The following WDPCP variants were observed in gnomAD, a reference collection of about 807,000 sequenced individuals.
WDPCP encodes the protein WD repeat-containing and planar cell polarity effector protein fritz homolog.
A neutral mutation model predicts 93.1 loss-of-function variants in WDPCP; 71 were observed. The ratio of observed to expected loss-of-function variants is 0.76; its 90% CI spans 0.63 to 0.93. The LOEUF (loss-of-function observed/expected upper bound fraction) is 0.93. Among genes scored for constraint, WDPCP ranks in the 40% least tolerant of loss-of-function variants. The probability of loss-of-function intolerance (pLI) is 0.00; values close to 1 mark genes in which losing one functional copy is unlikely to be tolerated. For missense variants in WDPCP, 844 were observed against 887.4 expected (o/e 0.95, Z 0.62); for synonymous variants, 315 against 315.0 (o/e 1.00, Z 0.00).
intron 2 of WDPCP, among the ~76,000 whole-genome samples, chr2:63,725,089 T>C (rs932510152): frequency 1.3e-5 from 2 of 152,174 alleles, no homozygotes; most frequent in Admixed American, 6.5e-5. Context: ...ACGTGCAGGT[T>C]TGTTACCTGG....
Position 63,741,796 on chromosome 2 carries a change from T to C in WDPCP, n.308+71826A>G, listed in dbSNP as rs74262085. On this transcript the variant is annotated intron_variant and non_coding_transcript_variant, in intron 2 of 4. Coordinates refer to the WDPCP transcript ENST00000467687. Reference sequence around the variant, plus strand: ...CCCCTCTTACCACTCAGAAAATGACTGTTGCTAACTTTAGGTGAATATTAT... The same window carrying C: ...CCCCTCTTACCACTCAGAAAATGACCGTTGCTAACTTTAGGTGAATATTAT... Among the ~76,000 whole-genome samples the C allele has an allele frequency of 3.5e-4, 54 of 152,242 alleles. 1 individual carries two copies. In the East Asian group the frequency reaches 7.9e-3, roughly 22 times the overall value.
At position 63,162,533 on chromosome 2, in the gene WDPCP, A is replaced by G. The variant is rs547666860; in HGVS notation, c.2079-8959T>C. 9.2e-5 allele frequency among the ~76,000 whole-genome samples: 14 copies of G among 152,296 alleles called. 2 individuals are homozygous for G. In the South Asian group the frequency reaches 2.7e-3, roughly 29 times the overall value. ...GAAAATACTGATAAACTAATATTTC[A>G]TAGGTGGGGATAAATGCTAGTCTTC... On this transcript the variant is annotated intron_variant, in intron 15 of 17. Coordinates refer to ENST00000272321, the MANE Select transcript of WDPCP (RefSeq NM_015910.7).
chr2:63,588,584 C>G, upstream of WDPCP: 1 of 536,844 alleles, frequency 1.9e-6, no homozygotes, highest in Non-Finnish European at 3.4e-6. Flanking sequence ...CGTTTACCCT[C>G]ATGGGAGGAT....
At chr2:63,738,401 G>A (rs1462326168) in intron 2 of WDPCP, among the ~76,000 whole-genome samples, 1 of 105,914 alleles carries the variant, frequency 9.4e-6, no homozygotes, top group East Asian at 2.0e-4. Context: ...ATTGACATTT[G>A]CTTGTTCAGG....
chr2:63,485,462 T>C (rs1700518665), intron 4 of WDPCP, among the ~76,000 whole-genome samples: 1 of 151,730 alleles, frequency 6.6e-6, no homozygotes, highest in South Asian at 2.1e-4. Flanking sequence ...ATATATGAAG[T>C]TAAGCATTAA....
At chr2:63,147,382 A>C (rs1461239584) in intron 17 of WDPCP, among the ~76,000 whole-genome samples, 2 of 152,182 alleles carry the variant, frequency 1.3e-5, no homozygotes, top group East Asian at 3.8e-4. Flanking sequence ...AGTTTCTAGA[A>C]ATATTTAGGA....
intron 2 of WDPCP, among the ~76,000 whole-genome samples, chr2:63,801,714 G>C (rs1670698471): frequency 6.6e-6 from 1 of 152,124 alleles, no homozygotes; most frequent in African/African-American, 2.4e-5. Context: ...AGACAGGAAA[G>C]TTCCTGATTG....
chr2:63,471,877 G>A (rs577681681), intron 6 of WDPCP, among the ~76,000 whole-genome samples: 1 of 152,150 alleles, frequency 6.6e-6, no homozygotes, highest in African/African-American at 2.4e-5. Context: ...GTTCTTGGCA[G>A]GTAAATTTTT....
In WDPCP at chr2:63,686,367, C is replaced by A. The variant is rs889673682; in HGVS notation, n.309-35529G>T. 4.6e-5 allele frequency among the ~76,000 whole-genome samples: 7 copies of A among 152,046 alleles called. No homozygotes were observed. In the South Asian group the frequency reaches 1.5e-3, roughly 32 times the overall value. On this transcript the variant is annotated intron_variant and non_coding_transcript_variant, in intron 2 of 4. Transcript: ENST00000467687. Reference sequence around the variant, plus strand: ...ATGATAGCTACAAATAAAATACCTACAAATTTACTTAACCAAAAAAGGGAA... The same window carrying A: ...ATGATAGCTACAAATAAAATACCTAAAAATTTACTTAACCAAAAAAGGGAA...
intron 2 of WDPCP, chr2:63,752,481 G>A (rs1175869896): frequency 3.6e-5 from 28 of 775,650 alleles, no homozygotes; most frequent in Middle Eastern, 3.6e-4. Context: ...CCCCTGGAGC[G>A]CTTGGTGTTG....
At chr2:63,728,997 T>C (rs1236548173) in intron 2 of WDPCP, among the ~76,000 whole-genome samples, 1 of 152,220 alleles carries the variant, frequency 6.6e-6, no homozygotes, top group African/African-American at 2.4e-5. Context: ...TTAATGGCTT[T>C]TGACCAAGAG....
chr2:63,788,603 G>A (rs1670502046), intron 2 of WDPCP, among the ~76,000 whole-genome samples: 1 of 152,018 alleles, frequency 6.6e-6, no homozygotes, highest in South Asian at 2.1e-4. Flanking sequence ...TAATCAACAT[G>A]AATATTATCT....
intron 12 of WDPCP, among the ~76,000 whole-genome samples, chr2:63,327,069 C>G (rs1687613085): frequency 6.6e-6 from 1 of 151,752 alleles, no homozygotes; most frequent in Non-Finnish European, 1.5e-5. Flanking sequence ...AATTACCATA[C>G]AAAGTTCTGA....
intron 9 of WDPCP, among the ~76,000 whole-genome samples, chr2:63,418,596 GTC>G (rs1188848172): frequency 6.6e-6 from 1 of 152,112 alleles, no homozygotes; most frequent in Admixed American, 6.6e-5. Flanking sequence ...TAACTAAAGA[GTC>G]TTAAAATACA....
chr2:63,154,258 A>G (rs993975070), intron 15 of WDPCP, among the ~76,000 whole-genome samples: 6 of 152,064 alleles, frequency 3.9e-5, no homozygotes, highest in African/African-American at 1.4e-4. Flanking sequence ...CAAACAGAAT[A>G]TAGAACAGTT....
intron 12 of WDPCP, among the ~76,000 whole-genome samples, chr2:63,336,980 G>T (rs375449351): frequency 1.4e-5 from 2 of 142,554 alleles, no homozygotes; most frequent in African/African-American, 2.6e-5. Flanking sequence ...TGCAACCTCC[G>T]CCTCCCAGGT....
intron 1 of WDPCP, among the ~76,000 whole-genome samples, chr2:63,573,857 G>C (rs2106489458): frequency 6.6e-6 from 1 of 152,248 alleles, no homozygotes; most frequent in East Asian, 1.9e-4. Flanking sequence ...CTGAGGGTAG[G>C]CCTCTAAAAT....
intron 8 of WDPCP, among the ~76,000 whole-genome samples, chr2:63,436,499 T>C (rs1318361654): frequency 6.6e-6 from 1 of 152,118 alleles, no homozygotes; most frequent in Non-Finnish European, 1.5e-5. Context: ...TTAGGTTAAA[T>C]ACTACTTTGC....
chr2:63,243,284 G>T (rs564654417), intron 14 of WDPCP, among the ~76,000 whole-genome samples: 1 of 152,176 alleles, frequency 6.6e-6, no homozygotes, highest in African/African-American at 2.4e-5. Flanking sequence ...TCTCTCTGAT[G>T]GTTAGTGATG....
Sources: gnomAD v4.1 joint callset for allele counts (sites outside exome capture counted in the v4.1 genomes callset) on GRCh38, gnomAD v4.1.1 for gene constraint, MANE v1.5 for transcripts, NCBI Gene and HGNC (gene_info 2026-07-23, HGNC 2026-07-21) for gene names.